C8orf74: variants seen among roughly 807,000 people sequenced by gnomAD.
The protein encoded by C8orf74 is chromosome 8 open reading frame 74.
A neutral mutation model predicts 22.2 loss-of-function variants in C8orf74; 29 were observed. The observed-to-expected ratio is 1.31, with a 90% CI of 0.97 to 1.78. C8orf74 has a LOEUF of 1.78. Ranked by LOEUF, C8orf74 falls within the 40% of genes most tolerant of loss-of-function variation. The probability of loss-of-function intolerance (pLI) is 0.00; values close to 1 mark genes in which losing one functional copy is unlikely to be tolerated. For missense variants in C8orf74, 515 were observed against 369.9 expected, an observed-to-expected ratio of 1.39 and a Z score of -3.22; for synonymous variants, 255 against 163.1, an observed-to-expected ratio of 1.56 and a Z score of -4.30.
rs577383431 is a variant in C8orf74 at position 10,686,104 on chromosome 8, GTGTTA to G, written c.241+11275_241+11279del. Among the ~76,000 whole-genome samples the G allele has an allele frequency of 5.3e-5, 8 of 152,298 alleles. No individual in the cohort carries two copies. In the South Asian group the frequency reaches 1.5e-3, roughly 28 times the overall value. On this transcript the variant is annotated intron_variant, in intron 2 of 3. Transcript: ENST00000304519. ...AGAAAGGAAGTAGTTAAAATGGTCA[GTGTTA>G]TGTTATGTATATTACAACAATTGAA... is the stretch of plus-strand genomic sequence containing the variant.
chr8:10,694,462 A>G (rs1412276353), intron 2 of C8orf74, among the ~76,000 whole-genome samples: 1 of 152,140 alleles, frequency 6.6e-6, no homozygotes, highest in African/African-American at 2.4e-5. Context: ...CAATATTTAA[A>G]GGGGAAAGTG....
Position 10,677,576 on chromosome 8 carries a change from C to A in C8orf74, c.241+2738C>A, listed in dbSNP as rs1329570465. On this transcript the variant is annotated intron_variant, in intron 2 of 3. Coordinates refer to ENST00000304519, the MANE Select transcript of C8orf74 (RefSeq NM_001040032.2). ...GTTTACTACCACCCATACCACACCA[C>A]CTCTTTTTTTATTTTAATATGACAT... Among the ~76,000 whole-genome samples the A allele has an allele frequency of 4.6e-5, 7 of 152,062 alleles. No homozygotes were observed. The East Asian group carries it at 1.2e-3, about 25-fold the overall frequency.
chr8:10,675,045 G>C (rs1799004708), intron 2 of C8orf74, among the ~76,000 whole-genome samples: 1 of 152,318 alleles, frequency 6.6e-6, no homozygotes, highest in Non-Finnish European at 1.5e-5. Context: ...TCATTGGTCT[G>C]CCTGACTGCA....
intron 2 of C8orf74, among the ~76,000 whole-genome samples, chr8:10,694,477 G>C (rs1799447337): frequency 6.6e-6 from 1 of 152,146 alleles, no homozygotes; most frequent in African/African-American, 2.4e-5. Flanking sequence ...AAAGTGGGCT[G>C]GAGGGGAAAG....
At chr8:10,693,559 C>A (rs1799428478) in intron 2 of C8orf74, among the ~76,000 whole-genome samples, 1 of 152,144 alleles carries the variant, frequency 6.6e-6, no homozygotes. Flanking sequence ...TTGATTGGGC[C>A]CCTCCTGTAC....
intron 2 of C8orf74, chr8:10,691,048 A>G: frequency 2.4e-6 from 1 of 416,636 alleles, no homozygotes; most frequent in African/African-American, 2.0e-5. Flanking sequence ...GAACTTCTCA[A>G]CCCGAGGCCC....
chr8:10,700,105 C>T (rs1165545917), intron 3 of C8orf74, 130 bp from the exon 4 acceptor site: 2 of 573,052 alleles, frequency 3.5e-6, no homozygotes, highest in Non-Finnish European at 5.8e-6. Flanking sequence ...TCCAGGCAAC[C>T]ACGGCCCGTG....
intron 1 of C8orf74, chr8:10,673,664 A>C (rs1384672381): frequency 6.5e-6 from 1 of 153,906 alleles, no homozygotes; most frequent in African/African-American, 2.4e-5. Flanking sequence ...CCAGCATGAG[A>C]ACTCTCAGAG....
intron 2 of C8orf74, chr8:10,689,853 G>A (rs1024769175): frequency 2.0e-5 from 3 of 152,268 alleles, no homozygotes; most frequent in Non-Finnish European, 2.9e-5. Flanking sequence ...TCATTTTCAT[G>A]TTGAAGAGGC....
intron 2 of C8orf74, chr8:10,693,011 G>A (rs1799416000): frequency 6.6e-6 from 1 of 152,334 alleles, no homozygotes; most frequent in African/African-American, 2.4e-5. Context: ...ATCGGGGGTA[G>A]GGAGATGGGC....
chr8:10,684,155 T>G (rs1026118900), intron 2 of C8orf74, among the ~76,000 whole-genome samples: 1 of 152,204 alleles, frequency 6.6e-6, no homozygotes, highest in East Asian at 1.9e-4. Flanking sequence ...CATGGCAGTC[T>G]TGGGTGGATG....
At chr8:10,676,552 T>C (rs1799036614) in intron 2 of C8orf74, among the ~76,000 whole-genome samples, 1 of 152,242 alleles carries the variant, frequency 6.6e-6, no homozygotes, top group Non-Finnish European at 1.5e-5. Context: ...TAGGCACACC[T>C]GGGTCAGCCT....
At chr8:10,696,411 C>A (rs548731916) in intron 2 of C8orf74, among the ~76,000 whole-genome samples, 7 of 138,666 alleles carry the variant, frequency 5.0e-5, no homozygotes, top group Non-Finnish European at 1.6e-5. Flanking sequence ...CTGCTCCACT[C>A]TTTTTTTTTC....
Position 10,682,849 on chromosome 8 carries a change from C to T in C8orf74, c.241+8011C>T, listed in dbSNP as rs139224611. 1.3e-3 allele frequency among the ~76,000 whole-genome samples: 199 copies of T among 152,324 alleles called. 1 individual carries two copies. Among genetic ancestry groups the T allele is most frequent in the African/African-American group, 4.6e-3 (190 of 41,566 alleles). ...AGACTATCCGTCCCACAGAGGGAGG[C>T]CTTGTGTGTCATGTGCTTGGCCTTT... On this transcript the variant is annotated intron_variant, in intron 2 of 3. Coordinates refer to ENST00000304519, the MANE Select transcript of C8orf74 (RefSeq NM_001040032.2).
intron 2 of C8orf74, among the ~76,000 whole-genome samples, chr8:10,682,053 G>A (rs1245531694): frequency 1.3e-5 from 2 of 152,208 alleles, no homozygotes; most frequent in African/African-American, 2.4e-5. Context: ...CTGCCCGGCA[G>A]CCCTGAAGTA....
intron 2 of C8orf74, among the ~76,000 whole-genome samples, chr8:10,693,722 C>T (rs545566562): frequency 7.9e-4 from 121 of 152,334 alleles, no homozygotes; most frequent in Admixed American, 2.4e-3. Flanking sequence ...GGCCCACTGT[C>T]CCTCAAACAT....
At position 10,700,404 on chromosome 8, in the gene C8orf74, C is replaced by A. The variant is rs1563167196; in HGVS notation, c.818C>A (p.Ala273Glu). 1 of 1,612,470 alleles carries A rather than the reference C, an allele frequency of 6.2e-7. No homozygotes were observed. Among genetic ancestry groups the A allele is most frequent in the Non-Finnish European group, 8.5e-7 (1 of 1,179,186 alleles). Residue 273 changes from alanine to glutamate, a missense_variant, in exon 4 of 4, where the codon GCA (alanine) becomes GAA (glutamate). Transcript: ENST00000304519. ...TPIPPPITSH[A>E]GQEEALKPQR... is the part of the protein sequence containing the mutation. The stretch of plus-strand genomic sequence containing the variant: ...ATCCCGCCCCCCATCACCAGCCACG[C>A]AGGCCAGGAGGAAGCCCTGAAGCCC...
At chr8:10,691,667 C>T (rs1323839557) in intron 2 of C8orf74, 1 of 152,444 alleles carries the variant, frequency 6.6e-6, no homozygotes, top group Non-Finnish European at 1.5e-5. Flanking sequence ...TGCTGTCCTC[C>T]ATGCGGCCAC....
intron 2 of C8orf74, chr8:10,686,950 G>T (rs1041575116): frequency 8.3e-5 from 30 of 362,944 alleles, no homozygotes; most frequent in African/African-American, 6.4e-4. Flanking sequence ...TTTGGGTGGG[G>T]CCCCGTGCCC....
Sources: gnomAD v4.1 joint callset for allele counts (sites outside exome capture counted in the v4.1 genomes callset) on GRCh38, gnomAD v4.1.1 for gene constraint, MANE v1.5 for transcripts, NCBI Gene and HGNC (gene_info 2026-07-23, HGNC 2026-07-21) for gene names.